The following CLDN10 variants were observed in gnomAD, a reference collection of about 807,000 sequenced individuals.
CLDN10 encodes claudin-10.
A neutral mutation model predicts 22.9 loss-of-function variants in CLDN10; 15 were observed. The observed-to-expected ratio is 0.65, with a 90% CI of 0.44 to 1.01. The LOEUF is 1.01. CLDN10 is among the 50% of genes least tolerant of loss of function. The pLI, the probability that CLDN10 is intolerant of heterozygous loss-of-function variation, is 0.00. For synonymous variants in CLDN10, 114 were observed against 111.4 expected (o/e 1.02, Z -0.15); for missense variants, 247 against 287.8 (o/e 0.86, Z 1.03).
At chr13:95,487,424 T>C (rs1373766011) in intron 1 of CLDN10, among the ~76,000 whole-genome samples, 2 of 152,248 alleles carry the variant, frequency 1.3e-5, no homozygotes, top group Non-Finnish European at 2.9e-5. Flanking sequence ...TGTGGAAGCA[T>C]AGTAATTCTT....
intron 1 of CLDN10, chr13:95,497,001 G>A (rs867239416): frequency 7.2e-5 from 11 of 152,192 alleles, no homozygotes; most frequent in African/African-American, 2.2e-4. Flanking sequence ...ACTTGGGTAA[G>A]TTTCTCAATC....
chr13:95,543,107 C>T (rs1370798480), intron 1 of CLDN10, among the ~76,000 whole-genome samples: 1 of 152,188 alleles, frequency 6.6e-6, no homozygotes, highest in Non-Finnish European at 1.5e-5. Flanking sequence ...TGTCACATGC[C>T]TGTAACCCCA....
At chr13:95,482,877 G>T (rs547662286) in intron 1 of CLDN10, among the ~76,000 whole-genome samples, 7 of 152,124 alleles carry the variant, frequency 4.6e-5, no homozygotes, top group Non-Finnish European at 8.8e-5. Context: ...TACTCCGGAG[G>T]CTAAGACAGG....
intron 3 of CLDN10, among the ~76,000 whole-genome samples, chr13:95,574,788 T>TA (rs1035526387): frequency 2.0e-4 from 30 of 152,026 alleles, no homozygotes; most frequent in Non-Finnish European, 4.0e-4. Context: ...AAAAGATACA[T>TA]AAAAAAGGAT....
At chr13:95,536,439 A>G (rs924389565) in intron 1 of CLDN10, among the ~76,000 whole-genome samples, 13 of 152,090 alleles carry the variant, frequency 8.5e-5, no homozygotes, top group South Asian at 4.1e-4. Flanking sequence ...ACAGAGCAAG[A>G]CTCTGTCTCA....
intron 1 of CLDN10, among the ~76,000 whole-genome samples, chr13:95,485,185 G>A (rs1239533843): frequency 6.6e-6 from 1 of 152,164 alleles, no homozygotes; most frequent in Non-Finnish European, 1.5e-5. Flanking sequence ...AGTAACAAGA[G>A]GGCGAGGTGC....
intron 1 of CLDN10, among the ~76,000 whole-genome samples, chr13:95,531,372 AAG>A (rs2043340363): frequency 6.6e-6 from 1 of 152,244 alleles, no homozygotes; most frequent in South Asian, 2.1e-4. Flanking sequence ...ATATCCCTGA[AAG>A]AGAAACAAAT....
chr13:95,571,532 C>T (rs2043860939), intron 3 of CLDN10, among the ~76,000 whole-genome samples: 1 of 152,116 alleles, frequency 6.6e-6, no homozygotes, highest in Non-Finnish European at 1.5e-5. Context: ...GAGGGGGAGG[C>T]TGAGCGTCTC....
At chr13:95,445,628 T>C (rs2042367703) in intron 1 of CLDN10, among the ~76,000 whole-genome samples, 1 of 152,246 alleles carries the variant, frequency 6.6e-6, no homozygotes, top group Non-Finnish European at 1.5e-5. Context: ...CTCTAGTTCC[T>C]TCTCCTAGTA....
chr13:95,556,387 G>C (rs182762665), intron 1 of CLDN10, among the ~76,000 whole-genome samples: 8 of 152,252 alleles, frequency 5.3e-5, no homozygotes, highest in African/African-American at 1.9e-4. Context: ...CCCTCCCCTA[G>C]GGGTATCATT....
chr13:95,434,099 G>A (rs962841127), intron 1 of CLDN10: 16 of 1,503,080 alleles, frequency 1.1e-5, no homozygotes, highest in South Asian at 3.5e-5. Context: ...TTTTCCCCCC[G>A]ACTGTGCTGA....
chr13:95,434,833 C>G (rs991985148), intron 1 of CLDN10, among the ~76,000 whole-genome samples: 1 of 151,734 alleles, frequency 6.6e-6, no homozygotes, highest in Admixed American at 6.6e-5. Flanking sequence ...TTCCTGATAA[C>G]GAAGGAAGGA....
intron 1 of CLDN10, among the ~76,000 whole-genome samples, chr13:95,553,287 G>T (rs1279164528): frequency 7.2e-5 from 11 of 152,134 alleles, no homozygotes; most frequent in Non-Finnish European, 1.3e-4. Flanking sequence ...GGAAGCGGCT[G>T]CCCTCCCCCA....
At chr13:95,548,145 T>C (rs1314212400), upstream of CLDN10, among the ~76,000 whole-genome samples, 1 of 152,240 alleles carries the variant, frequency 6.6e-6, no homozygotes, top group Admixed American at 6.5e-5. Context: ...GGAGGTTATA[T>C]TGATATTCAT....
At chr13:95,573,472 G>T (rs1289838830) in intron 3 of CLDN10, among the ~76,000 whole-genome samples, 1 of 152,218 alleles carries the variant, frequency 6.6e-6, no homozygotes, top group Non-Finnish European at 1.5e-5. Flanking sequence ...GTTCACAAAA[G>T]ACCTGCAACA....
intron 1 of CLDN10, among the ~76,000 whole-genome samples, chr13:95,469,705 C>A (rs1049299466): frequency 6.6e-6 from 1 of 152,156 alleles, no homozygotes; most frequent in African/African-American, 2.4e-5. Context: ...TCATCATGAG[C>A]CCAGGATGAG....
chr13:95,550,493 C>T (rs771484855), upstream of CLDN10, among the ~76,000 whole-genome samples: 2 of 152,018 alleles, frequency 1.3e-5, no homozygotes, highest in African/African-American at 2.4e-5. Context: ...AGGCGAGCCA[C>T]GGTAAACAAA....
chr13:95,507,383 C>T (rs148855581), intron 1 of CLDN10, among the ~76,000 whole-genome samples: 127 of 152,266 alleles, frequency 8.3e-4, no homozygotes, highest in Admixed American at 1.3e-3. Flanking sequence ...ACTAAGAAGG[C>T]ATGACTTCAT....
At chr13:95,567,925 A>G (rs2043806181) in intron 3 of CLDN10, among the ~76,000 whole-genome samples, 1 of 152,190 alleles carries the variant, frequency 6.6e-6, no homozygotes, top group African/African-American at 2.4e-5. Context: ...GATTACGTTT[A>G]TTGATTTGCA....
Sources: allele counts gnomAD v4.1 joint callset (sites outside exome capture counted in the v4.1 genomes callset), GRCh38; gene constraint gnomAD v4.1.1; transcripts MANE v1.5; gene names NCBI Gene and HGNC (gene_info 2026-07-23, HGNC 2026-07-21).